Variants in ARHGAP32 observed in about 807,000 individuals in gnomAD.
ARHGAP32 encodes Rho GTPase activating protein 32.
A neutral mutation model predicts 186.5 loss-of-function variants in ARHGAP32; 51 were observed. That is an observed-to-expected ratio of 0.27 (90% CI 0.22 to 0.35). ARHGAP32 has a LOEUF of 0.35. Among genes scored for constraint, ARHGAP32 ranks in the 10% least tolerant of loss-of-function variants. The probability of loss-of-function intolerance (pLI) is 1.00; values close to 1 mark genes in which losing one functional copy is unlikely to be tolerated. For synonymous variants in ARHGAP32, 950 were observed against 964.3 expected (o/e 0.99, Z 0.27); for missense variants, 2,186 against 2,623.5 (o/e 0.83, Z 3.64).
intron 5 of ARHGAP32, among the ~76,000 whole-genome samples, chr11:129,102,878 A>T (rs1941941118): frequency 6.6e-6 from 1 of 152,162 alleles, no homozygotes; most frequent in South Asian, 2.1e-4. Context: ...TTCTGGGTAT[A>T]CACCCCCCAA....
chr11:129,169,282 A>T (rs900581752), intron 1 of ARHGAP32, among the ~76,000 whole-genome samples: 1 of 152,202 alleles, frequency 6.6e-6, no homozygotes, highest in African/African-American at 2.4e-5. Flanking sequence ...TGGAGAATCT[A>T]CAATATAGAT....
intron 2 of ARHGAP32, among the ~76,000 whole-genome samples, chr11:129,132,838 G>A (rs557310330): frequency 3.3e-4 from 50 of 152,066 alleles, no homozygotes; most frequent in African/African-American, 1.2e-3. Context: ...ATTAGATATT[G>A]GAACCAATGG....
intron 2 of ARHGAP32, among the ~76,000 whole-genome samples, chr11:129,127,947 T>C (rs1942701893): frequency 6.6e-6 from 1 of 152,232 alleles, no homozygotes; most frequent in South Asian, 2.1e-4. Flanking sequence ...AAACTCTCTA[T>C]GTGTCTATCT....
chr11:129,051,859 G>C (rs2135083838), intron 10 of ARHGAP32, among the ~76,000 whole-genome samples: 1 of 148,696 alleles, frequency 6.7e-6, no homozygotes, highest in East Asian at 2.0e-4. Context: ...GGAAGCTGAA[G>C]TGGGAGAATC....
chr11:129,005,083 C>A (rs919422621), intron 11 of ARHGAP32, among the ~76,000 whole-genome samples: 5 of 152,010 alleles, frequency 3.3e-5, no homozygotes, highest in African/African-American at 1.2e-4. Context: ...GCAAATACTA[C>A]CTTATACTCA....
chr11:128,970,872 A>G lies in ARHGAP32; in HGVS notation c.4341T>C (p.Asp1447=), dbSNP rs201441751. The G allele has an allele frequency of 7.4e-6, 12 of 1,614,260 alleles. No homozygotes were observed. Among genetic ancestry groups the G allele is most frequent in the Non-Finnish European group, 1.0e-5 (12 of 1,180,052 alleles). ...MIAAIHSSSA[D]ATSSSNYHSF... ...AATGATAATTTGAACTGCTGGTGGC[A>G]TCTGCACTGCTGGAGTGTATGGCAG... The change falls in exon 23 of 23, where the codon GAT becomes GAC. Residue 1447 remains aspartate, a synonymous_variant. Transcript: ENST00000682385. The surrounding 1 kb of genome is among the most constrained non-coding windows in gnomAD (Gnocchi z 5.8).
chr11:129,027,377 C>A (rs1938906127), intron 11 of ARHGAP32, among the ~76,000 whole-genome samples: 1 of 152,160 alleles, frequency 6.6e-6, no homozygotes, highest in Non-Finnish European at 1.5e-5. Context: ...AAGTCTTCCA[C>A]TGCCTACCCA....
chr11:129,158,601 C>T (rs1232893277), intron 2 of ARHGAP32, among the ~76,000 whole-genome samples: 1 of 152,128 alleles, frequency 6.6e-6, no homozygotes, highest in Admixed American at 6.5e-5. Context: ...GACTCCCACA[C>T]AATAACAGTG....
At position 129,123,570 on chromosome 11, in the gene ARHGAP32, C is replaced by T; in HGVS notation, c.360-40G>A. ...ATAAATAAGAAACGAGATAGTGAAA[C>T]AGTAAAAATTACTAAGTTTAAGGGA... On this transcript the variant is annotated intron_variant, in intron 4 of 22. Coordinates refer to ENST00000682385, the MANE Select transcript of ARHGAP32 (RefSeq NM_001378024.1). This position sits in a 1 kb window ranked among gnomAD's most constrained non-coding sequence, Gnocchi z 4.6. The T allele has an allele frequency of 6.4e-7, 1 of 1,552,830 alleles. No individual in the cohort carries two copies. Among genetic ancestry groups the T allele is most frequent in the Non-Finnish European group, 8.9e-7 (1 of 1,128,438 alleles).
Position 128,970,704 on chromosome 11 carries a change from A to G in ARHGAP32, c.4509T>C (p.Asp1503=), listed in dbSNP as rs1283298243. Residue 1503 remains aspartate, a synonymous_variant, in exon 23 of 23, where the codon GAT becomes GAC. Coordinates refer to ENST00000682385, the MANE Select transcript of ARHGAP32 (RefSeq NM_001378024.1). This position sits in a 1 kb window ranked among gnomAD's most constrained non-coding sequence, Gnocchi z 5.8. ...PDVTTEPFGP[D]NCLHFNMTPN... ...GAGTCATATTGAAATGCAAACAGTT[A>G]TCTGGACCAAAGGGTTCAGTGGTGA... The G allele has an allele frequency of 4.3e-6, 7 of 1,614,080 alleles. No individual in the cohort carries two copies. The highest frequency in any genetic ancestry group is 2.2e-5 in the East Asian group (1 of 44,894).
At chr11:129,214,789 G>T (rs777886962) in intron 1 of ARHGAP32, among the ~76,000 whole-genome samples, 20 of 152,210 alleles carry the variant, frequency 1.3e-4, no homozygotes, top group Non-Finnish European at 2.6e-4. Flanking sequence ...AACTTTTTCT[G>T]TAAAGGGCCA....
chr11:128,970,745 A>T lies in ARHGAP32; in HGVS notation c.4468T>A (p.Phe1490Ile). 6.2e-7 allele frequency: 1 copy of T among 1,614,222 alleles called. No individual in the cohort carries two copies. Among genetic ancestry groups the T allele is most frequent in the Non-Finnish European group, 8.5e-7 (1 of 1,180,034 alleles). The change falls in exon 23 of 23, where the codon TTT becomes ATT. Residue 1490 changes from phenylalanine to isoleucine, a missense_variant. Transcript: ENST00000682385. This position sits in a 1 kb window ranked among gnomAD's most constrained non-coding sequence, Gnocchi z 5.8. Reference protein sequence around the residue: ...HASQKTVYSSFARPDVTTEPF... With the variant: ...HASQKTVYSSIARPDVTTEPF... ...TCAGTGGTGACATCGGGCCTAGCAAAGGAGGAGTAAACTGTTTTCTGAGAA... is the reference window on the plus strand; with the variant it reads ...TCAGTGGTGACATCGGGCCTAGCAATGGAGGAGTAAACTGTTTTCTGAGAA...
At chr11:128,992,223 T>C (rs1459212611) in intron 12 of ARHGAP32, among the ~76,000 whole-genome samples, 3 of 152,072 alleles carry the variant, frequency 2.0e-5, no homozygotes, top group African/African-American at 7.2e-5. Context: ...CAACAGAGAG[T>C]CCTCTCCGAG....
chr11:128,965,676 T>C lies in ARHGAP32; in HGVS notation c.*3231A>G, dbSNP rs554635968. The C allele has an allele frequency of 2.0e-5, 3 of 152,358 alleles. No individual in the cohort carries two copies. Among genetic ancestry groups the C allele is most frequent in the South Asian group, 2.1e-4 (1 of 4,830 alleles). The allele number at this position is 152,358 out of a possible 1,614,324, so 9.4% of individuals were successfully genotyped here. A position where few individuals can be genotyped will look rare whatever the true frequency, so the allele number is the denominator to read the frequency against. On this transcript the variant is annotated 3_prime_UTR_variant, in exon 23 of 23. Transcript: ENST00000682385. ...GAAGAAGTAACTGTCTGACATACTT[T>C]TGCTTTCATTATTACTTTCTTACAC...
intron 2 of ARHGAP32, among the ~76,000 whole-genome samples, chr11:129,156,379 G>A (rs1052370971): frequency 3.3e-5 from 5 of 152,130 alleles, no homozygotes; most frequent in Non-Finnish European, 5.9e-5. Context: ...GTCTGAAGTC[G>A]ACCTGGGATG....
At chr11:129,119,871 C>A (rs1942475345) in intron 5 of ARHGAP32, among the ~76,000 whole-genome samples, 1 of 151,958 alleles carries the variant, frequency 6.6e-6, no homozygotes, top group Non-Finnish European at 1.5e-5. Flanking sequence ...AACAAAGAGG[C>A]TACTGTGGCT....
chr11:129,206,280 T>G (rs553964405), intron 1 of ARHGAP32, among the ~76,000 whole-genome samples: 1 of 152,234 alleles, frequency 6.6e-6, no homozygotes, highest in South Asian at 2.1e-4. Flanking sequence ...AACACGGTCA[T>G]AACTCACTGC....
At chr11:129,274,677 T>G (rs1203052365) in intron 1 of ARHGAP32, among the ~76,000 whole-genome samples, 1 of 152,184 alleles carries the variant, frequency 6.6e-6, no homozygotes, top group African/African-American at 2.4e-5. Context: ...TTCTCAACTG[T>G]AAGATAATTT....
intron 12 of ARHGAP32, among the ~76,000 whole-genome samples, chr11:128,996,004 CAAATGTTTTCCAA>C (rs1264137113): frequency 6.6e-6 from 1 of 152,154 alleles, no homozygotes; most frequent in East Asian, 1.9e-4. Flanking sequence ...TATGAAATGT[CAAATGTTTTCCAA>C]AAAGGTAGTG....
Sources: allele counts gnomAD v4.1 joint callset (sites outside exome capture counted in the v4.1 genomes callset), GRCh38; gene constraint gnomAD v4.1.1; non-coding constraint Gnocchi (gnomAD v3.1); transcripts MANE v1.5; gene names NCBI Gene and HGNC (gene_info 2026-07-23, HGNC 2026-07-21).